The following SEPTIN10 variants were observed in gnomAD, a reference collection of about 807,000 sequenced individuals.
SEPTIN10 encodes septin 10.
SEPTIN10 carries 66 observed loss-of-function variants against 54.8 expected under a neutral mutation model. The ratio of observed to expected loss-of-function variants is 1.21; its 90% CI spans 0.99 to 1.48. SEPTIN10 has a LOEUF of 1.48. Among genes scored for constraint, SEPTIN10 ranks in the 40% most tolerant of loss-of-function variants. SEPTIN10 has a pLI of 0.00. For synonymous variants in SEPTIN10, 161 were observed against 181.0 expected, an observed-to-expected ratio of 0.89 and a Z score of 0.89; for missense variants, 620 against 545.6, an observed-to-expected ratio of 1.14 and a Z score of -1.36.
Position 109,600,549 on chromosome 2 carries a change from A to AC in SEPTIN10, c.31-7431_31-7430insG, listed in dbSNP as rs528274179. On this transcript the variant is annotated intron_variant, in intron 1 of 10. Transcript: ENST00000397712. ...ATTAGCAATGAGTTGAAAAAAAAAA[A>AC]AAACCACAAACTGTTTTTCCTCTGC... is the stretch of plus-strand genomic sequence containing the variant. Among the ~76,000 whole-genome samples the AC allele has an allele frequency of 1.6e-3, 247 of 152,122 alleles. 1 individual carries two copies. Among genetic ancestry groups the AC allele is most frequent in the African/African-American group, 5.9e-3 (243 of 41,518 alleles).
chr2:109,604,698 G>A (rs1394344032), intron 1 of SEPTIN10: 1 of 149,576 alleles, frequency 6.7e-6, no homozygotes, highest in Non-Finnish European at 1.5e-5. Context: ...CTCCAGCCTG[G>A]GTGACAGAAC....
intron 1 of SEPTIN10, among the ~76,000 whole-genome samples, chr2:109,606,959 T>C (rs1698134887): frequency 6.6e-6 from 1 of 152,184 alleles, no homozygotes; most frequent in African/African-American, 2.4e-5. Flanking sequence ...GCAAAGCTAT[T>C]TCTTTCATGA....
chr2:109,572,702 C>T (rs960977264), intron 5 of SEPTIN10, among the ~76,000 whole-genome samples: 4 of 150,324 alleles, frequency 2.7e-5, no homozygotes, highest in Admixed American at 2.0e-4. Context: ...CCACAACCTC[C>T]GCCTCCTGGG....
rs751241879 is a variant in SEPTIN10 at position 109,567,936 on chromosome 2, G to C, written c.641C>G (p.Ser214Cys). The change falls in exon 6 of 11, where the codon TCT (serine) becomes TGT (cysteine). Residue 214 changes from serine to cysteine, a missense_variant. Physicochemically the swap from Ser to Cys is moderately radical, Grantham distance 112. Coordinates refer to ENST00000397712, the MANE Select transcript of SEPTIN10 (RefSeq NM_144710.5). ...IPVIAKADTV[S>C]KTELQKFKIK... ...CTTAAACTTCTGTAATTCAGTTTTA[G>C]AAACCGTATCTGCTTTGGCAATCAC... is the stretch of plus-strand genomic sequence containing the variant. 4.5e-5 allele frequency: 72 copies of C among 1,613,506 alleles called. No individual in the cohort carries two copies. Among genetic ancestry groups the C allele is most frequent in the Non-Finnish European group, 5.9e-5 (70 of 1,179,880 alleles).
chr2:109,610,805 A>G (rs1699097900), intron 1 of SEPTIN10, among the ~76,000 whole-genome samples: 1 of 152,250 alleles, frequency 6.6e-6, no homozygotes, highest in African/African-American at 2.4e-5. Flanking sequence ...CTAAATCGAT[A>G]TAAACATTTA....
chr2:109,574,878 T>C, intron 4 of SEPTIN10, 111 bp from the exon 5 acceptor site: 2 of 681,256 alleles, frequency 2.9e-6, no homozygotes, highest in South Asian at 3.3e-5. Context: ...AAACAGTTAA[T>C]ATCTATGCTG....
At chr2:109,609,704 G>T (rs369060503) in intron 1 of SEPTIN10, among the ~76,000 whole-genome samples, 3 of 151,306 alleles carry the variant, frequency 2.0e-5, no homozygotes, top group Non-Finnish European at 2.9e-5. Context: ...TCTTAGATAC[G>T]AAAATTATCC....
rs1172026970 is a variant in SEPTIN10, at chr2:109,544,081, G to A, written c.*228C>T. On this transcript the variant is annotated 3_prime_UTR_variant, in exon 11 of 11. Coordinates refer to ENST00000397712, the MANE Select transcript of SEPTIN10 (RefSeq NM_144710.5). Reference sequence around the variant, plus strand: ...AAAAGATTCAGATTTTGAAGCTTCTGGATTTCAGATTTTTGAATTAGAGAT... The same window carrying A: ...AAAAGATTCAGATTTTGAAGCTTCTAGATTTCAGATTTTTGAATTAGAGAT... 4.3e-6 allele frequency: 6 copies of A among 1,390,648 alleles called. No individual in the cohort carries two copies. The highest frequency in any genetic ancestry group is 1.5e-5 in the African/African-American group (1 of 68,882). The allele number at this position is 1,390,648 out of a possible 1,614,324, so 86.1% of individuals were successfully genotyped here. A position where few individuals can be genotyped will look rare whatever the true frequency, so the allele number is the denominator to read the frequency against.
chr2:109,563,228 C>A lies in SEPTIN10; in HGVS notation c.1028+1138G>T, dbSNP rs572874172. Among the ~76,000 whole-genome samples the A allele has an allele frequency of 4.2e-4, 64 of 152,254 alleles. 2 individuals are homozygous for A. The highest frequency in any genetic ancestry group is 1.5e-3 in the African/African-American group (64 of 41,552). On this transcript the variant is annotated intron_variant, in intron 8 of 10. Coordinates refer to ENST00000397712, the MANE Select transcript of SEPTIN10 (RefSeq NM_144710.5). ...CACCCGGCCATAAGTATATACAATT[C>A]TTAATTCATTATGCTACCAGAAGTG...
At chr2:109,554,279 T>C (rs1683823174) in intron 8 of SEPTIN10, among the ~76,000 whole-genome samples, 1 of 152,128 alleles carries the variant, frequency 6.6e-6, no homozygotes, top group African/African-American at 2.4e-5. Context: ...AAACAAACAA[T>C]AACAAATATG....
chr2:109,593,051 T>TA lies in SEPTIN10; in HGVS notation c.98dup (p.Arg35LysfsTer16). The stretch of plus-strand genomic sequence containing the variant: ...GTATCTATTTAAAAGACATACTCAC[T>TA]ATCTGTTCATCATCTGATCCTTGTG... On this transcript the variant is annotated frameshift_variant and splice_region_variant, in exon 2 of 11. Transcript: ENST00000397712. LOFTEE classifies it high-confidence loss of function. The TA allele has an allele frequency of 6.3e-7, 1 of 1,582,676 alleles. No homozygotes were observed. Among genetic ancestry groups the TA allele is most frequent in the Non-Finnish European group, 8.6e-7 (1 of 1,165,500 alleles).
In SEPTIN10 at chr2:109,585,133, C is replaced by A; in HGVS notation, c.406G>T (p.Glu136Ter). The A allele has an allele frequency of 6.4e-7, 1 of 1,571,538 alleles. No homozygotes were observed. Among genetic ancestry groups the A allele is most frequent in the Non-Finnish European group, 8.6e-7 (1 of 1,160,104 alleles). ...CAAGAAGAAAACACATACCTCTCTT[C>A]TTTATTTATTTGGTCACCAAATCCC... is the stretch of plus-strand genomic sequence containing the variant. ...TVGFGDQINK[E>*]ESYQPIVDYI... The change falls in exon 4 of 11, where the codon GAA becomes TAA. Residue 136 changes from glutamate (E) to a stop codon, truncating the protein, a stop_gained. Transcript: ENST00000397712. LOFTEE classifies it high-confidence loss of function.
At chr2:109,568,965 T>A (rs1365200138) in intron 5 of SEPTIN10, among the ~76,000 whole-genome samples, 1 of 152,218 alleles carries the variant, frequency 6.6e-6, no homozygotes, top group Non-Finnish European at 1.5e-5. Context: ...GAAGACCGAA[T>A]AACTTGTAAA....
At chr2:109,554,910 T>C (rs1238159123) in intron 8 of SEPTIN10, among the ~76,000 whole-genome samples, 2 of 152,182 alleles carry the variant, frequency 1.3e-5, no homozygotes, top group African/African-American at 4.8e-5. Context: ...GAGTCATCTT[T>C]CACTCTTCCC....
At position 109,558,619 on chromosome 2, in the gene SEPTIN10, C is replaced by T. The variant is rs572230761; in HGVS notation, c.1029-5400G>A. On this transcript the variant is annotated intron_variant, in intron 8 of 10. Transcript: ENST00000397712. ...ACTATAGTGCTATTTACGTGGGCCTCGTGACAAGCCTGCGATTGGTGCTGG... is the reference window on the plus strand; with the variant it reads ...ACTATAGTGCTATTTACGTGGGCCTTGTGACAAGCCTGCGATTGGTGCTGG... 7.2e-5 allele frequency among the ~76,000 whole-genome samples: 11 copies of T among 152,210 alleles called. No individual in the cohort carries two copies. The South Asian group carries it at 1.9e-3, about 26-fold the overall frequency.
At chr2:109,609,443 G>A (rs572619232) in intron 1 of SEPTIN10, among the ~76,000 whole-genome samples, 1 of 152,150 alleles carries the variant, frequency 6.6e-6, no homozygotes, top group Admixed American at 6.5e-5. Flanking sequence ...ACATAAATTA[G>A]GAGGTACTGC....
At chr2:109,571,711 C>T (rs576264337) in intron 5 of SEPTIN10, among the ~76,000 whole-genome samples, 15 of 152,202 alleles carry the variant, frequency 9.9e-5, no homozygotes, top group Admixed American at 2.6e-4. Flanking sequence ...CTCAGGGTAT[C>T]GAAACCAATC....
At chr2:109,570,116 G>A (rs1360963979) in intron 5 of SEPTIN10, among the ~76,000 whole-genome samples, 1 of 152,038 alleles carries the variant, frequency 6.6e-6, no homozygotes, top group Non-Finnish European at 1.5e-5. Context: ...TTAAAACAAA[G>A]CTTAGGGGTT....
At chr2:109,590,084 A>T (rs1031745034) in intron 2 of SEPTIN10, among the ~76,000 whole-genome samples, 6 of 148,998 alleles carry the variant, frequency 4.0e-5, no homozygotes, top group African/African-American at 1.5e-4. Flanking sequence ...ATATATATGT[A>T]TATATATACA....
Sources: allele counts gnomAD v4.1 joint callset (sites outside exome capture counted in the v4.1 genomes callset), GRCh38; gene constraint gnomAD v4.1.1; transcripts MANE v1.5; gene names NCBI Gene and HGNC (gene_info 2026-07-23, HGNC 2026-07-21).